Variants in ANKFY1 observed in about 807,000 individuals in gnomAD.
The protein encoded by ANKFY1 is ankyrin repeat and FYVE domain containing 1.
Under a neutral mutation model 128.3 loss-of-function variants are expected in ANKFY1, and 47 were observed. That is an observed-to-expected ratio of 0.37 (90% confidence interval 0.29 to 0.47). The LOEUF (loss-of-function observed/expected upper bound fraction) is 0.47. Among genes scored for constraint, ANKFY1 ranks in the 20% least tolerant of loss-of-function variants. ANKFY1 has a pLI of 1.00. For synonymous variants in ANKFY1, 553 were observed against 601.6 expected (o/e 0.92, Z 1.18); for missense variants, 1,222 against 1,510.6 (o/e 0.81, Z 3.17).
chr17:4,248,464 C>T lies in ANKFY1; in HGVS notation c.11-6016G>A, dbSNP rs2143460476. ...AAACTGTCTTCCACGAAACCAGTCT[C>T]TGGTGCCAAAAAGATTGGGGACCAC... On this transcript the variant is annotated intron_variant, in intron 1 of 24. Transcript: ENST00000341657. Among the ~76,000 whole-genome samples the T allele has an allele frequency of 1.3e-5, 2 of 152,358 alleles. 1 individual carries two copies. The highest frequency in any genetic ancestry group is 6.8e-3 in the Middle Eastern group (2 of 294).
intron 3 of ANKFY1, among the ~76,000 whole-genome samples, chr17:4,228,113 A>C (rs918333628): frequency 3.9e-5 from 6 of 152,232 alleles, no homozygotes; most frequent in African/African-American, 1.4e-4. Flanking sequence ...TAAATGCAAA[A>C]AAAAAGTGTG....
At chr17:4,216,836 G>A (rs933889472) in intron 4 of ANKFY1, 147 bp downstream of exon 4, 26 of 1,087,112 alleles carry the variant, frequency 2.4e-5, no homozygotes, top group East Asian at 1.3e-4. Flanking sequence ...AAGCAAGGGA[G>A]GTAACATCTG....
In ANKFY1 at chr17:4,184,281, A is replaced by G. The variant is rs995763805; in HGVS notation, c.1700-371T>C. Among the ~76,000 whole-genome samples, 3 of 152,246 alleles carry G rather than the reference A, an allele frequency of 2.0e-5. No individual in the cohort carries two copies. The South Asian group carries it at 6.2e-4, about 32-fold the overall frequency. ...CTTCTGTGAGGACCAAAAAAAGGGC[A>G]CATAGTACCTAAAACCCAACCTCCC... On this transcript the variant is annotated intron_variant, in intron 12 of 24. Coordinates refer to ENST00000341657, the MANE Select transcript of ANKFY1 (RefSeq NM_001330063.2).
chr17:4,199,562 T>C (rs555442004), intron 7 of ANKFY1, among the ~76,000 whole-genome samples: 9 of 152,330 alleles, frequency 5.9e-5, no homozygotes, highest in African/African-American at 2.2e-4. Context: ...TGAAAAAAAC[T>C]ACCTTGACAT....
intron 3 of ANKFY1, among the ~76,000 whole-genome samples, chr17:4,233,846 C>T (rs1056056826): frequency 1.3e-5 from 2 of 152,192 alleles, no homozygotes; most frequent in South Asian, 2.1e-4. Flanking sequence ...CCTGGCACTG[C>T]GCATGGAAAA....
intron 4 of ANKFY1, among the ~76,000 whole-genome samples, chr17:4,215,950 A>C (rs1003880379): frequency 1.3e-5 from 2 of 152,248 alleles, no homozygotes; most frequent in African/African-American, 2.4e-5. Flanking sequence ...AGAAACAGTT[A>C]ACTGAATGTC....
Position 4,175,738 on chromosome 17 carries a change from T to C in ANKFY1, c.2775+1388A>G, listed in dbSNP as rs78990396. 5.2e-3 allele frequency among the ~76,000 whole-genome samples: 789 copies of C among 152,330 alleles called. 6 individuals carry two copies. The highest frequency in any genetic ancestry group is 0.018 in the African/African-American group (769 of 41,576). On this transcript the variant is annotated intron_variant, in intron 19 of 24. Transcript: ENST00000341657. ...ATACGGGACGTCTCACAGATGTATA[T>C]TCATGGTCCCTGGTGCTGTGTTAGG...
intron 4 of ANKFY1, among the ~76,000 whole-genome samples, chr17:4,213,566 CTTTTTTT>C (rs1173971536): frequency 7.4e-6 from 1 of 135,392 alleles, no homozygotes; most frequent in Non-Finnish European, 1.6e-5. Context: ...ATATTTATTT[CTTTTTTT>C]TTTTTTTTTC....
chr17:4,195,511 C>G (rs1287051275), intron 8 of ANKFY1, 40 bp from the exon 9 acceptor site: 1 of 1,555,596 alleles, frequency 6.4e-7, no homozygotes, highest in Admixed American at 1.7e-5. Context: ...TCAGGACAGG[C>G]CTGTTCAGGA....
intron 14 of ANKFY1, among the ~76,000 whole-genome samples, 188 bp downstream of exon 14, chr17:4,183,210 T>C (rs2059546865): frequency 6.6e-6 from 1 of 152,236 alleles, no homozygotes; most frequent in African/African-American, 2.4e-5. Flanking sequence ...ACAGTTCCTT[T>C]CCGCCATTAC....
At chr17:4,203,437 T>A (rs1323528818) in intron 7 of ANKFY1, among the ~76,000 whole-genome samples, 1 of 152,188 alleles carries the variant, frequency 6.6e-6, no homozygotes, top group East Asian at 1.9e-4. Flanking sequence ...CCTTCATTAT[T>A]CAATTAATAC....
chr17:4,243,681 C>G (rs954661359), intron 1 of ANKFY1, among the ~76,000 whole-genome samples: 1 of 152,192 alleles, frequency 6.6e-6, no homozygotes, highest in African/African-American at 2.4e-5. Flanking sequence ...ATGAACTATG[C>G]TCTCCAACCC....
rs980202040 is a variant in ANKFY1 at position 4,181,978 on chromosome 17, T to G, written c.2121+203A>C. Among the ~76,000 whole-genome samples, 12 of 152,236 alleles carry G rather than the reference T, an allele frequency of 7.9e-5. 1 individual carries two copies. Among genetic ancestry groups the G allele is most frequent in the Admixed American group, 3.9e-4 (6 of 15,284 alleles). On this transcript the variant is annotated intron_variant, in intron 15 of 24. Coordinates refer to ENST00000341657, the MANE Select transcript of ANKFY1 (RefSeq NM_001330063.2). The surrounding 1 kb of genome is among the most constrained non-coding windows in gnomAD (Gnocchi z 4.9). ...TTCTCTTGCTTCTTGGTAGTTTTCT[T>G]GGTAAAGATGACCTAAAAACAAAAG...
In ANKFY1 at chr17:4,235,860, G is replaced by A. The variant is rs775263917; in HGVS notation, c.234C>T (p.His78=). The change falls in exon 3 of 25, where the codon CAC becomes CAT. Residue 78 remains histidine, a synonymous_variant. Transcript: ENST00000341657. ...CCAGGACAAACTTGTGAGCACTGATGTGCCTGTCCCCAACCTTTATCTTCA... is the reference window on the plus strand; with the variant it reads ...CCAGGACAAACTTGTGAGCACTGATATGCCTGTCCCCAACCTTTATCTTCA... ...SDLKIKVGDR[H]ISAHKFVLAA... 5.6e-6 allele frequency: 9 copies of A among 1,614,134 alleles called. No individual in the cohort carries two copies. In the South Asian group the frequency reaches 8.8e-5, roughly 16 times the overall value.
rs1450344144 is a variant in ANKFY1, at chr17:4,166,870, G to A, written c.*909C>T. The stretch of plus-strand genomic sequence containing the variant: ...AGAGTTTTTCCTTGGAGATTCGTGT[G>A]AGCTGAGGTCCAGTCAAAGCTGATC... On this transcript the variant is annotated 3_prime_UTR_variant, in exon 25 of 25. Transcript: ENST00000341657. 3 of 152,480 alleles carry A rather than the reference G, an allele frequency of 2.0e-5. No individual in the cohort carries two copies. The highest frequency in any genetic ancestry group is 4.8e-5 in the African/African-American group (2 of 41,454). 9.4% of individuals were successfully genotyped at this position (152,480 alleles called of 1,614,324 possible).
chr17:4,219,656 G>A lies in ANKFY1; in HGVS notation c.323-2538C>T, dbSNP rs536533250. On this transcript the variant is annotated intron_variant, in intron 3 of 24. Coordinates refer to ENST00000341657, the MANE Select transcript of ANKFY1 (RefSeq NM_001330063.2). ...TCAAGTGAGTGGACTTGAAGACCCCGACTTACCTGCAACCAGGTTAATTCA... is the reference window on the plus strand; with the variant it reads ...TCAAGTGAGTGGACTTGAAGACCCCAACTTACCTGCAACCAGGTTAATTCA... Among the ~76,000 whole-genome samples, 43 of 151,570 alleles carry A rather than the reference G, an allele frequency of 2.8e-4. 2 individuals are homozygous for A. The South Asian group carries it at 8.6e-3, about 30-fold the overall frequency.
At position 4,179,809 on chromosome 17, in the gene ANKFY1, C is replaced by T. The variant is rs750618670; in HGVS notation, c.2309G>A (p.Gly770Glu). 1 of 1,614,208 alleles carries T rather than the reference C, an allele frequency of 6.2e-7. No homozygotes were observed. The highest frequency in any genetic ancestry group is 1.1e-5 in the South Asian group (1 of 91,088). The change falls in exon 17 of 25, where the codon GGG becomes GAG. Residue 770 changes from glycine to glutamate, a missense_variant. Coordinates refer to ENST00000341657, the MANE Select transcript of ANKFY1 (RefSeq NM_001330063.2). ...GGCTGCCAAATGCAAAGGGGTCTGCCCATCTCTAGCCTCTTCCTCTCCTTC... is the reference window on the plus strand; with the variant it reads ...GGCTGCCAAATGCAAAGGGGTCTGCTCATCTCTAGCCTCTTCCTCTCCTTC... ...NGEGEEEARDGQTPLHLAASW... is the reference protein window; with the variant it reads ...NGEGEEEARDEQTPLHLAASW...
chr17:4,197,322 G>A (rs751446400), intron 8 of ANKFY1, 51 bp downstream of exon 8: 1 of 1,582,984 alleles, frequency 6.3e-7, no homozygotes, highest in Non-Finnish European at 8.7e-7. Context: ...GCTACTGTAA[G>A]ATATCTTCTG....
In ANKFY1 at chr17:4,183,902, G is replaced by A. The variant is rs761238296; in HGVS notation, c.1708C>T (p.Leu570Phe). ...ATCTGCAAGTTGTTGGTGGCATGAA[G>A]AGCATTGGCTAAATGTTTGAAAAAG... ...SVILEQKANA[L>F]HATNNLQIIP... Residue 570 changes from leucine to phenylalanine, a missense_variant, in exon 13 of 25, where the codon CTT becomes TTT. By Grantham distance (22) the Leu-to-Phe change is conservative (BLOSUM62 0). Transcript: ENST00000341657. 1 of 1,612,378 alleles carries A rather than the reference G, an allele frequency of 6.2e-7. No individual in the cohort carries two copies. The highest frequency in any genetic ancestry group is 8.5e-7 in the Non-Finnish European group (1 of 1,178,398).
Sources: gnomAD v4.1 joint callset for allele counts (sites outside exome capture counted in the v4.1 genomes callset) on GRCh38, gnomAD v4.1.1 for gene constraint, Gnocchi (gnomAD v3.1) non-coding constraint, MANE v1.5 for transcripts, NCBI Gene and HGNC (gene_info 2026-07-23, HGNC 2026-07-21) for gene names.